The following CUX1 variants were observed in gnomAD, a reference collection of about 807,000 sequenced individuals.
CUX1 encodes protein CASP.
Under a neutral mutation model 158.8 loss-of-function variants are expected in CUX1, and 31 were observed. The ratio of observed to expected loss-of-function variants is 0.20; its 90% CI spans 0.15 to 0.26. The LOEUF (loss-of-function observed/expected upper bound fraction) is 0.26, where lower values mean the gene tolerates loss of function less well. CUX1 is among the 10% of genes least tolerant of loss of function. CUX1 has a pLI of 1.00. For synonymous variants in CUX1, 879 were observed against 862.1 expected (o/e 1.02, Z -0.34); for missense variants, 1,589 against 2,014.6 (o/e 0.79, Z 4.04).
At chr7:102,217,557 G>A (rs1667780376) in intron 20 of CUX1, among the ~76,000 whole-genome samples, 1 of 152,256 alleles carries the variant, frequency 6.6e-6, no homozygotes, top group South Asian at 2.1e-4. Flanking sequence ...ATCCCCAGAG[G>A]GAGGGAGGCT....
intron 2 of CUX1, among the ~76,000 whole-genome samples, chr7:101,954,318 C>G (rs544194792): frequency 2.0e-5 from 3 of 152,328 alleles, no homozygotes; most frequent in East Asian, 3.9e-4. Flanking sequence ...CCACTGCACT[C>G]CAGCCTGGGT....
chr7:102,013,736 G>A (rs897613012), intron 2 of CUX1, among the ~76,000 whole-genome samples: 1 of 152,146 alleles, frequency 6.6e-6, no homozygotes, highest in Non-Finnish European at 1.5e-5. Context: ...GAAAGGGCTT[G>A]TTCTGTCTCC....
intron 3 of CUX1, among the ~76,000 whole-genome samples, chr7:102,058,338 A>G (rs1285163467): frequency 2.6e-5 from 4 of 152,120 alleles, no homozygotes; most frequent in African/African-American, 9.7e-5. Flanking sequence ...CAGTGGCACA[A>G]TCTCGGCTCA....
At chr7:101,929,131 G>A (rs1218450572) in intron 2 of CUX1, among the ~76,000 whole-genome samples, 3 of 151,918 alleles carry the variant, frequency 2.0e-5, no homozygotes, top group African/African-American at 7.2e-5. Context: ...AGCCAAGATC[G>A]TGCCACTGCA....
At chr7:101,821,415 T>C (rs1350671349) in intron 1 of CUX1, among the ~76,000 whole-genome samples, 1 of 151,580 alleles carries the variant, frequency 6.6e-6, no homozygotes, top group Non-Finnish European at 1.5e-5. Context: ...CTCAGCTCAC[T>C]GCAAACTCCG....
rs376518875 is a variant in CUX1 at position 102,249,144 on chromosome 7, C to A, written c.*102C>A. ...GACACCGTGGCCTGGGCTTGGCCCG[C>A]GGCCTGCACCGACCCCGGGCCGGAC... On this transcript the variant is annotated 3_prime_UTR_variant, in exon 24 of 24. Transcript: ENST00000292535. The A allele has an allele frequency of 8.6e-7, 1 of 1,157,048 alleles. No individual in the cohort carries two copies. The highest frequency in any genetic ancestry group is 1.1e-6 in the Non-Finnish European group (1 of 938,182). 71.7% of individuals were successfully genotyped at this position (1,157,048 alleles called of 1,614,324 possible).
At chr7:102,079,480 A>AGC (rs1279719243) in intron 4 of CUX1, among the ~76,000 whole-genome samples, 2 of 152,072 alleles carry the variant, frequency 1.3e-5, no homozygotes, top group African/African-American at 4.8e-5. Context: ...CGTTAGAAAT[A>AGC]GCCCCTGGTT....
At chr7:102,267,558 G>A (rs1354688980) in intron 14 of CUX1, among the ~76,000 whole-genome samples, 8 of 152,042 alleles carry the variant, frequency 5.3e-5, no homozygotes, top group African/African-American at 1.4e-4. Context: ...TAAAAAGACA[G>A]GGGCCCCTCG....
chr7:102,097,520 C>T lies in CUX1; in HGVS notation c.406+19C>T. 2.6e-6 allele frequency: 4 copies of T among 1,567,312 alleles called. No homozygotes were observed. The South Asian group carries it at 3.6e-5, about 14-fold the overall frequency. ...AATCAAGGTTGGTGGAAAATGCGTT[C>T]TTTGCTTTTTCTTTTCTTCTTTTTT... On this transcript the variant is annotated intron_variant, in intron 5 of 23. Coordinates refer to ENST00000292535, the MANE Select transcript of CUX1 (RefSeq NM_181552.4).
intron 16 of CUX1, chr7:102,274,371 C>T (rs1181928134): frequency 9.3e-5 from 134 of 1,438,502 alleles, no homozygotes; most frequent in Non-Finnish European, 1.2e-4. Flanking sequence ...CAGGTGATAC[C>T]GCCTGAGAAC....
chr7:102,147,671 A>G (rs569913828), intron 8 of CUX1, among the ~76,000 whole-genome samples: 140 of 152,312 alleles, frequency 9.2e-4, no homozygotes, highest in Non-Finnish European at 1.5e-3. Context: ...TGTCAAGAAG[A>G]CAGGGGACCT....
chr7:102,194,049 A>G, intron 13 of CUX1, 159 bp downstream of exon 13: 2 of 746,472 alleles, frequency 2.7e-6, no homozygotes, highest in Non-Finnish European at 4.5e-6. Flanking sequence ...GAAGCAAATT[A>G]TCTTTTTTTT....
At chr7:101,985,239 C>G (rs530431991) in intron 2 of CUX1, among the ~76,000 whole-genome samples, 2 of 152,250 alleles carry the variant, frequency 1.3e-5, no homozygotes, top group South Asian at 4.1e-4. Flanking sequence ...CAGATACTTT[C>G]ACCTTTGGTT....
At chr7:101,833,707 C>T (rs1333632276) in intron 1 of CUX1, among the ~76,000 whole-genome samples, 1 of 151,950 alleles carries the variant, frequency 6.6e-6, no homozygotes, top group African/African-American at 2.4e-5. Flanking sequence ...TCCAGGAGGC[C>T]AAGTCCAGGG....
At position 102,135,374 on chromosome 7, in the gene CUX1, C is replaced by A. The variant is rs1450416248; in HGVS notation, c.674+20101C>A. ...GTGGATCATCAAAAAGGTCTTCATCCCTGTTGTCTTCACATCAAGTAGGCC... is the reference window on the plus strand; with the variant it reads ...GTGGATCATCAAAAAGGTCTTCATCACTGTTGTCTTCACATCAAGTAGGCC... On this transcript the variant is annotated intron_variant, in intron 8 of 23. Transcript: ENST00000292535. Among the ~76,000 whole-genome samples, 3 of 152,042 alleles carry A rather than the reference C, an allele frequency of 2.0e-5. No individual in the cohort carries two copies. The East Asian group carries it at 5.8e-4, about 29-fold the overall frequency.
intron 2 of CUX1, among the ~76,000 whole-genome samples, chr7:101,977,498 C>A (rs892775722): frequency 6.6e-6 from 1 of 152,084 alleles, no homozygotes; most frequent in Non-Finnish European, 1.5e-5. Flanking sequence ...AAACTTTAGC[C>A]AGGCATGATG....
chr7:101,936,534 A>G (rs750386240), intron 2 of CUX1, among the ~76,000 whole-genome samples: 2 of 152,172 alleles, frequency 1.3e-5, no homozygotes, highest in Admixed American at 1.3e-4. Context: ...TTTCCCGGAT[A>G]CATAGGAGAA....
At chr7:102,173,699 C>A (rs1563350183) in intron 10 of CUX1, among the ~76,000 whole-genome samples, 1 of 152,174 alleles carries the variant, frequency 6.6e-6, no homozygotes, top group African/African-American at 2.4e-5. Flanking sequence ...CTATCCTGGA[C>A]TGCAGCAACC....
intron 2 of CUX1, among the ~76,000 whole-genome samples, chr7:101,917,106 ATCT>A (rs1250962515): frequency 2.0e-5 from 3 of 152,200 alleles, no homozygotes; most frequent in African/African-American, 7.2e-5. Flanking sequence ...GGCTTGGGGA[ATCT>A]TCTCCGTATC....
Sources: gnomAD v4.1 joint callset for allele counts (sites outside exome capture counted in the v4.1 genomes callset) on GRCh38, gnomAD v4.1.1 for gene constraint, MANE v1.5 for transcripts, NCBI Gene and HGNC (gene_info 2026-07-23, HGNC 2026-07-21) for gene names.